The following XXYLT1 variants were observed in gnomAD, a reference collection of about 807,000 sequenced individuals.
XXYLT1 encodes the protein UDP-xylose:alpha-xyloside alpha-1,3-xylosyltransferase.
In XXYLT1, 20 loss-of-function variants were observed where a neutral mutation model predicts 28.9. The ratio of observed to expected loss-of-function variants is 0.69; its 90% CI spans 0.49 to 1.00. The LOEUF (loss-of-function observed/expected upper bound fraction) is 1.00. Among genes scored for constraint, XXYLT1 ranks in the 50% least tolerant of loss-of-function variants. XXYLT1 has a pLI of 0.00. For synonymous variants in XXYLT1, 257 were observed against 253.8 expected (o/e 1.01, Z -0.12); for missense variants, 542 against 560.1 (o/e 0.97, Z 0.33).
intron 3 of XXYLT1, among the ~76,000 whole-genome samples, chr3:195,087,006 A>G (rs10804419): frequency 0.51 from 77,770 of 151,908 alleles, 22,842 homozygotes; most frequent in East Asian, 0.96. Context: ...AGGCCTTCCC[A>G]GCTCCAGGTC....
intron 3 of XXYLT1, among the ~76,000 whole-genome samples, chr3:195,072,103 C>G (rs1225714814): frequency 6.6e-6 from 1 of 152,072 alleles, no homozygotes; most frequent in Non-Finnish European, 1.5e-5. Context: ...TCACAGGGCA[C>G]CAGCACAGCA....
chr3:195,265,962 T>C (rs1330956286), intron 1 of XXYLT1, among the ~76,000 whole-genome samples: 1 of 152,204 alleles, frequency 6.6e-6, no homozygotes, highest in East Asian at 1.9e-4. Flanking sequence ...TCATGGTATA[T>C]TCTGTCAAAC....
chr3:195,124,771 G>T lies in XXYLT1; in HGVS notation c.785+31678C>A, dbSNP rs1040712316. On this transcript the variant is annotated intron_variant, in intron 3 of 3. Coordinates refer to ENST00000310380, the MANE Select transcript of XXYLT1 (RefSeq NM_152531.5). The surrounding 1 kb of genome is among the most constrained non-coding windows in gnomAD (Gnocchi z 4.1). ...CGCTGGCCGGGACACAGTCAGCCAG[G>T]TTCCAGGGACCACAACTCCCACTAG... Among the ~76,000 whole-genome samples, 1 of 152,172 alleles carries T rather than the reference G, an allele frequency of 6.6e-6. No homozygotes were observed. Among genetic ancestry groups the T allele is most frequent in the South Asian group, 2.1e-4 (1 of 4,832 alleles).
At chr3:195,079,845 G>A (rs903359605) in intron 3 of XXYLT1, among the ~76,000 whole-genome samples, 7 of 152,126 alleles carry the variant, frequency 4.6e-5, no homozygotes, top group Non-Finnish European at 8.8e-5. Flanking sequence ...TAATACAATC[G>A]GGAATGAATA....
chr3:195,237,827 T>C (rs1374948496), intron 1 of XXYLT1, among the ~76,000 whole-genome samples: 1 of 152,156 alleles, frequency 6.6e-6, no homozygotes, highest in Non-Finnish European at 1.5e-5. Context: ...TTGTTTGTTT[T>C]TAATACTTTT....
chr3:195,249,354 T>C (rs984456000), intron 1 of XXYLT1, among the ~76,000 whole-genome samples: 2 of 152,184 alleles, frequency 1.3e-5, no homozygotes, highest in East Asian at 1.9e-4. Flanking sequence ...AAAACAGGCA[T>C]AGGGCTCACA....
chr3:195,260,459 T>G (rs1202956273), intron 1 of XXYLT1, among the ~76,000 whole-genome samples: 2 of 152,112 alleles, frequency 1.3e-5, no homozygotes, highest in African/African-American at 4.8e-5. Context: ...CTGGGCAGCC[T>G]CGGGCACGGG....
intron 1 of XXYLT1, among the ~76,000 whole-genome samples, chr3:195,263,126 G>C (rs1725743324): frequency 6.6e-6 from 1 of 152,152 alleles, no homozygotes; most frequent in African/African-American, 2.4e-5. Flanking sequence ...TTCACATCCA[G>C]GCTTCTCTCA....
chr3:195,107,751 C>T (rs141305440), intron 3 of XXYLT1, among the ~76,000 whole-genome samples: 313 of 151,518 alleles, frequency 2.1e-3, no homozygotes, highest in African/African-American at 7.2e-3. Context: ...GTCCTCCCTG[C>T]GCTTCTGGCG....
chr3:195,110,158 TGTG>T (rs1717455111), intron 3 of XXYLT1, among the ~76,000 whole-genome samples: 3 of 54,406 alleles, frequency 5.5e-5, no homozygotes, highest in African/African-American at 1.7e-4. Flanking sequence ...GTCTGTGTGT[TGTG>T]TGTGGTGTCT....
intron 1 of XXYLT1, among the ~76,000 whole-genome samples, chr3:195,244,887 C>T (rs1345515331): frequency 2.0e-5 from 3 of 149,870 alleles, no homozygotes. Context: ...CACTCCCGGC[C>T]GGGTGCGGTG....
chr3:195,228,817 CTT>C (rs201938499), intron 1 of XXYLT1, among the ~76,000 whole-genome samples: 3 of 145,500 alleles, frequency 2.1e-5, no homozygotes, highest in Admixed American at 1.4e-4. Flanking sequence ...ATATGTATCT[CTT>C]TTTTTTTTTC....
intron 2 of XXYLT1, among the ~76,000 whole-genome samples, chr3:195,179,905 G>A (rs936095055): frequency 1.3e-5 from 2 of 152,194 alleles, no homozygotes; most frequent in Admixed American, 6.5e-5. Flanking sequence ...TGACTGATGC[G>A]TGGGCCCCTG....
intron 3 of XXYLT1, among the ~76,000 whole-genome samples, chr3:195,139,051 G>A (rs919799201): frequency 6.6e-6 from 1 of 150,404 alleles, no homozygotes. Flanking sequence ...GCTGGTGAGA[G>A]GAGAGGTGGG....
intron 3 of XXYLT1, among the ~76,000 whole-genome samples, chr3:195,148,880 T>A (rs554075195): frequency 6.6e-6 from 1 of 152,204 alleles, no homozygotes; most frequent in African/African-American, 2.4e-5. Flanking sequence ...AAATGACATT[T>A]ACAGACGAAA....
chr3:195,195,277 A>C lies in XXYLT1; in HGVS notation c.652+31432T>G, dbSNP rs1428262640. ...CTTAGAACAATGCCTGGGTCTCAGT[A>C]AGCCTTCTGTATTAGCAGTTATTAT... On this transcript the variant is annotated intron_variant, in intron 2 of 3. Coordinates refer to ENST00000310380, the MANE Select transcript of XXYLT1 (RefSeq NM_152531.5). This position sits in a 1 kb window ranked among gnomAD's most constrained non-coding sequence, Gnocchi z 4.4. Among the ~76,000 whole-genome samples the C allele has an allele frequency of 1.3e-5, 2 of 152,214 alleles. No individual in the cohort carries two copies. Among genetic ancestry groups the C allele is most frequent in the African/African-American group, 4.8e-5 (2 of 41,440 alleles).
chr3:195,250,337 T>C (rs1725200945), intron 1 of XXYLT1, among the ~76,000 whole-genome samples: 3 of 152,172 alleles, frequency 2.0e-5, no homozygotes. Context: ...CCGAGGTGGA[T>C]GGATCACGTG....
chr3:195,245,733 C>G (rs1055188833), intron 1 of XXYLT1, among the ~76,000 whole-genome samples: 1 of 152,170 alleles, frequency 6.6e-6, no homozygotes, highest in African/African-American at 2.4e-5. Context: ...ATGGTTAGCA[C>G]CATCTCCTTG....
intron 2 of XXYLT1, among the ~76,000 whole-genome samples, chr3:195,197,420 G>C (rs1270012373): frequency 1.4e-5 from 2 of 145,728 alleles, no homozygotes; most frequent in Non-Finnish European, 3.0e-5. Context: ...CTGGGCAACA[G>C]AGTGAGACTC....
Sources: allele counts gnomAD v4.1 joint callset (sites outside exome capture counted in the v4.1 genomes callset), GRCh38; gene constraint gnomAD v4.1.1; non-coding constraint Gnocchi (gnomAD v3.1); transcripts MANE v1.5; gene names NCBI Gene and HGNC (gene_info 2026-07-23, HGNC 2026-07-21).